Variants in ABCB5 observed in about 807,000 individuals in gnomAD.
The protein encoded by ABCB5 is ATP-binding cassette sub-family B member 5.
A neutral mutation model predicts 144.2 loss-of-function variants in ABCB5; 155 were observed. The ratio of observed to expected loss-of-function variants is 1.08; its 90% CI spans 0.94 to 1.23. ABCB5 has a LOEUF of 1.23. Ranked by LOEUF, ABCB5 falls within the 50% of genes most tolerant of loss-of-function variation. The probability of loss-of-function intolerance (pLI) is 0.00; values close to 1 mark genes in which losing one functional copy is unlikely to be tolerated. For missense variants in ABCB5, 1,830 were observed against 1,520.8 expected, an observed-to-expected ratio of 1.20 and a Z score of -3.38; for synonymous variants, 610 against 528.6, an observed-to-expected ratio of 1.15 and a Z score of -2.11.
intron 7 of ABCB5, among the ~76,000 whole-genome samples, chr7:20,645,240 A>G (rs1784375953): frequency 6.6e-6 from 1 of 152,198 alleles, no homozygotes; most frequent in Admixed American, 6.5e-5. Context: ...CCCTCTAGTG[A>G]TCTACTATAG....
intron 20 of ABCB5, among the ~76,000 whole-genome samples, chr7:20,716,719 C>T (rs1390804378): frequency 6.6e-6 from 1 of 152,128 alleles, no homozygotes; most frequent in East Asian, 1.9e-4. Context: ...TTAAGGTCAG[C>T]TTTACAGTAA....
chr7:20,660,923 A>T (rs1358036889), intron 14 of ABCB5, among the ~76,000 whole-genome samples: 2 of 152,206 alleles, frequency 1.3e-5, no homozygotes, highest in Non-Finnish European at 2.9e-5. Context: ...GAACCTGTGA[A>T]ACCAATCAAT....
At chr7:20,706,523 A>C (rs1164403726) in intron 20 of ABCB5, among the ~76,000 whole-genome samples, 2 of 152,214 alleles carry the variant, frequency 1.3e-5, no homozygotes, top group Non-Finnish European at 2.9e-5. Flanking sequence ...AATAGTTGTC[A>C]ACCTGATTAT....
In ABCB5 at chr7:20,684,313, C is replaced by A. The variant is rs919402728; in HGVS notation, c.1870-1383C>A. ...ATATACACATATCAAAACTTACTGT[C>A]ATCATTATTTTGTCCAGCGACCTTC... On this transcript the variant is annotated intron_variant, in intron 15 of 27. Coordinates refer to ENST00000404938, the MANE Select transcript of ABCB5 (RefSeq NM_001163941.2). 6.6e-5 allele frequency among the ~76,000 whole-genome samples: 10 copies of A among 152,234 alleles called. No homozygotes were observed. In the East Asian group the frequency reaches 1.9e-3, roughly 29 times the overall value.
At chr7:20,735,661 T>C (rs1290601940) in intron 23 of ABCB5, among the ~76,000 whole-genome samples, 2 of 152,164 alleles carry the variant, frequency 1.3e-5, no homozygotes, top group Admixed American at 6.5e-5. Flanking sequence ...GGACAGTTGA[T>C]ATCTAGGGCC....
intron 14 of ABCB5, 44 bp from the exon 15 acceptor site, chr7:20,681,461 T>C (rs11764760): frequency 0.18 from 290,983 of 1,600,962 alleles, 27,036 homozygotes; most frequent in East Asian, 0.26. Flanking sequence ...AAGGTTGTTA[T>C]TTCTACTAAT....
intron 20 of ABCB5, among the ~76,000 whole-genome samples, chr7:20,717,763 C>G (rs983150736): frequency 4.0e-5 from 6 of 150,638 alleles, no homozygotes; most frequent in Admixed American, 2.7e-4. Flanking sequence ...ACAAGAATAT[C>G]TATCAGGTTA....
intron 23 of ABCB5, among the ~76,000 whole-genome samples, chr7:20,737,022 T>A (rs757223503): frequency 1.3e-5 from 2 of 152,060 alleles, no homozygotes; most frequent in Non-Finnish European, 2.9e-5. Flanking sequence ...TAGCTAGGCA[T>A]GGTGGTGCAT....
chr7:20,700,620 C>G (rs947748493), intron 19 of ABCB5, among the ~76,000 whole-genome samples: 1 of 152,210 alleles, frequency 6.6e-6, no homozygotes. Context: ...TAACATCGGT[C>G]TAGCTGCCAG....
In ABCB5 at chr7:20,632,046, AC is replaced by A. The variant is rs1394018395; in HGVS notation, c.260-11del. The A allele has an allele frequency of 7.1e-5, 106 of 1,490,280 alleles. No homozygotes were observed. Among genetic ancestry groups the A allele is most frequent in the Non-Finnish European group, 9.3e-5 (103 of 1,111,946 alleles). The allele number at this position is 1,490,280 out of a possible 1,614,324, so 92.3% of individuals were successfully genotyped here. A position where few individuals can be genotyped will look rare whatever the true frequency, so the allele number is the denominator to read the frequency against. Reference sequence around the variant, plus strand: ...ATTAATTTCCTCTATATTTTAAATAACCTTTTTTACAGCAAATTATCAGAAC... The same window carrying A: ...ATTAATTTCCTCTATATTTTAAATAACTTTTTTACAGCAAATTATCAGAAC... On this transcript the variant is annotated splice_polypyrimidine_tract_variant and intron_variant, in intron 4 of 27. Transcript: ENST00000404938.
At chr7:20,718,889 A>G (rs978728154) in intron 20 of ABCB5, among the ~76,000 whole-genome samples, 44 of 152,158 alleles carry the variant, frequency 2.9e-4, no homozygotes, top group African/African-American at 1.1e-3. Flanking sequence ...AAATTTAACA[A>G]TAGGGCATTT....
At chr7:20,701,615 C>T (rs1786630305) in intron 19 of ABCB5, among the ~76,000 whole-genome samples, 1 of 152,156 alleles carries the variant, frequency 6.6e-6, no homozygotes, top group South Asian at 2.1e-4. Flanking sequence ...CTCTGTCTAG[C>T]ATTAGCCATG....
At chr7:20,623,838 T>G (rs1379687004) in intron 2 of ABCB5, among the ~76,000 whole-genome samples, 1 of 152,232 alleles carries the variant, frequency 6.6e-6, no homozygotes, top group East Asian at 1.9e-4. Flanking sequence ...TTATTTCCAC[T>G]TTTACCATAA....
chr7:20,640,505 G>A (rs73688304), intron 5 of ABCB5, among the ~76,000 whole-genome samples: 1 of 152,096 alleles, frequency 6.6e-6, no homozygotes, highest in Non-Finnish European at 1.5e-5. Flanking sequence ...GCACTAAGGA[G>A]CGCTAGCCAT....
rs1562533924 is a variant in ABCB5, at chr7:20,643,213, T to C, written c.344T>C (p.Val115Ala). The change falls in exon 6 of 28, where the codon GTT becomes GCT. Residue 115 changes from valine (V) to alanine (A), a missense_variant. Val to Ala is a moderately conservative substitution (Grantham distance 64). Coordinates refer to ENST00000404938, the MANE Select transcript of ABCB5 (RefSeq NM_001163941.2). ...ACCCTGTATTATGTTGGAATAGGTG[T>C]TGCTGCCTTGATTTTTGGTTACATA... ...LLTLYYVGIG[V>A]AALIFGYIQI... 6.2e-7 allele frequency: 1 copy of C among 1,612,954 alleles called. No individual in the cohort carries two copies. Among genetic ancestry groups the C allele is most frequent in the African/African-American group, 1.3e-5 (1 of 75,048 alleles).
chr7:20,710,231 G>A (rs1273892156), intron 20 of ABCB5, among the ~76,000 whole-genome samples: 1 of 146,728 alleles, frequency 6.8e-6, no homozygotes, highest in Non-Finnish European at 1.5e-5. Flanking sequence ...GGTGGGCGTG[G>A]TGGGGGGCAT....
intron 19 of ABCB5, 87 bp downstream of exon 19, chr7:20,700,222 G>C (rs1022323702): frequency 4.3e-6 from 5 of 1,152,150 alleles, no homozygotes; most frequent in Non-Finnish European, 6.1e-6. Flanking sequence ...GTCAATTTTT[G>C]ACATAATCTT....
At chr7:20,681,355 G>C in intron 14 of ABCB5, 150 bp from the exon 15 acceptor site, 1 of 705,962 alleles carries the variant, frequency 1.4e-6, no homozygotes, top group Non-Finnish European at 2.3e-6. Context: ...TCTAACTCGT[G>C]ACCTCAGGTG....
chr7:20,709,814 C>T (rs1583441066), intron 20 of ABCB5, among the ~76,000 whole-genome samples: 1 of 149,718 alleles, frequency 6.7e-6, no homozygotes, highest in South Asian at 2.1e-4. Context: ...GGCAAGGTGG[C>T]TCACACCTGT....
Sources: gnomAD v4.1 joint callset for allele counts (sites outside exome capture counted in the v4.1 genomes callset) on GRCh38, gnomAD v4.1.1 for gene constraint, MANE v1.5 for transcripts, NCBI Gene and HGNC (gene_info 2026-07-23, HGNC 2026-07-21) for gene names.